VAT1L: variants seen among roughly 807,000 people sequenced by gnomAD.
VAT1L encodes vesicle amine transport 1 like, also known as putative NADPH-dependent quinone oxidoreductase VAT1L.
A neutral mutation model predicts 44.1 loss-of-function variants in VAT1L; 34 were observed. That is an observed-to-expected ratio of 0.77 (90% confidence interval 0.59 to 1.03). The LOEUF is 1.03. VAT1L is among the 50% of genes least tolerant of loss of function. VAT1L has a pLI of 0.00. For synonymous variants in VAT1L, 253 were observed against 202.2 expected (o/e 1.25, Z -2.13); for missense variants, 615 against 538.8 (o/e 1.14, Z -1.40).
intron 1 of VAT1L, among the ~76,000 whole-genome samples, chr16:77,813,303 G>GA (rs1325390968): frequency 6.6e-6 from 1 of 151,798 alleles, no homozygotes; most frequent in African/African-American, 2.4e-5. Context: ...TTTGTCTGAA[G>GA]AAAAAAAAGT....
chr16:77,810,166 A>G (rs983575185), intron 1 of VAT1L, among the ~76,000 whole-genome samples: 1 of 152,194 alleles, frequency 6.6e-6, no homozygotes, highest in Non-Finnish European at 1.5e-5. Context: ...CTATTTAACC[A>G]TTTAATTTGT....
At chr16:77,925,478 G>C (rs955902122) in intron 7 of VAT1L, among the ~76,000 whole-genome samples, 1 of 152,094 alleles carries the variant, frequency 6.6e-6, no homozygotes. Context: ...GTATTAAAGA[G>C]GTCCATATAT....
chr16:77,943,594 G>T (rs1301583652), intron 7 of VAT1L, among the ~76,000 whole-genome samples: 2 of 151,884 alleles, frequency 1.3e-5, no homozygotes, highest in African/African-American at 4.8e-5. Context: ...AGTAGAGATG[G>T]GGTTTCACCA....
At chr16:77,836,268 CT>C (rs2016637993) in intron 3 of VAT1L, among the ~76,000 whole-genome samples, 1 of 152,096 alleles carries the variant, frequency 6.6e-6, no homozygotes, top group African/African-American at 2.4e-5. Flanking sequence ...TCAGAAACAC[CT>C]GCACCTCGCT....
intron 7 of VAT1L, among the ~76,000 whole-genome samples, chr16:77,929,678 CA>C (rs1342602625): frequency 1.3e-5 from 2 of 152,082 alleles, no homozygotes; most frequent in African/African-American, 4.8e-5. Flanking sequence ...AAACAAAGGC[CA>C]CTCTCCCCCT....
intron 1 of VAT1L, chr16:77,801,583 T>G (rs2016053413): frequency 6.6e-6 from 1 of 152,148 alleles, no homozygotes. Flanking sequence ...GCCCAGATAG[T>G]CTGAGCCATA....
At chr16:77,865,393 G>C (rs971876953) in intron 4 of VAT1L, among the ~76,000 whole-genome samples, 1 of 151,992 alleles carries the variant, frequency 6.6e-6, no homozygotes, top group African/African-American at 2.4e-5. Context: ...TTTCATGTAC[G>C]CATGAATACA....
chr16:77,807,842 T>C (rs780788812), intron 1 of VAT1L, among the ~76,000 whole-genome samples: 15 of 152,094 alleles, frequency 9.9e-5, no homozygotes, highest in African/African-American at 1.4e-4. Flanking sequence ...AGCAACCCAC[T>C]TGAGGAGGAG....
chr16:77,892,903 T>C (rs1252184099), intron 7 of VAT1L: 1 of 1,102,738 alleles, frequency 9.1e-7, no homozygotes, highest in Non-Finnish European at 1.4e-6. Context: ...TTGCTGACTG[T>C]GGACAAATCT....
At chr16:77,862,928 C>T in intron 4 of VAT1L, 38 bp downstream of exon 4, 1 of 1,605,580 alleles carries the variant, frequency 6.2e-7, no homozygotes, top group Non-Finnish European at 8.5e-7. Context: ...CAGGCTGGCC[C>T]TTGCTCTGCT....
At chr16:77,848,705 C>G (rs901124788) in intron 3 of VAT1L, among the ~76,000 whole-genome samples, 1 of 152,192 alleles carries the variant, frequency 6.6e-6, no homozygotes, top group African/African-American at 2.4e-5. Flanking sequence ...CGCAGATGGT[C>G]TGCCTCTAGA....
chr16:77,923,532 A>C (rs952742493), intron 7 of VAT1L, among the ~76,000 whole-genome samples: 1 of 152,188 alleles, frequency 6.6e-6, no homozygotes, highest in Non-Finnish European at 1.5e-5. Flanking sequence ...GATGTTAACA[A>C]AATTAAGCCA....
chr16:77,957,279 G>A (rs1259859758), intron 7 of VAT1L, among the ~76,000 whole-genome samples: 1 of 152,102 alleles, frequency 6.6e-6, no homozygotes, highest in African/African-American at 2.4e-5. Context: ...GAATGACATA[G>A]CTACCAATCT....
At position 77,930,247 on chromosome 16, in the gene VAT1L, T is replaced by C. The variant is rs117649220; in HGVS notation, c.1078-41603T>C. 5.7e-3 allele frequency among the ~76,000 whole-genome samples: 870 copies of C among 152,286 alleles called. 3 individuals are homozygous for C. Among genetic ancestry groups the C allele is most frequent in the Admixed American group, 7.3e-3 (112 of 15,296 alleles). On this transcript the variant is annotated intron_variant, in intron 7 of 8. Coordinates refer to ENST00000302536, the MANE Select transcript of VAT1L (RefSeq NM_020927.3). ...CACTGAATTCGACCCCTAGCCTGTATTGTCTGTCTTTCCTGGTCATGCATG... is the reference window on the plus strand; with the variant it reads ...CACTGAATTCGACCCCTAGCCTGTACTGTCTGTCTTTCCTGGTCATGCATG...
At position 77,879,606 on chromosome 16, in the gene VAT1L, G is replaced by C. The variant is rs1461411876; in HGVS notation, c.882+382G>C. ...CAGCTGTGAGCTCTTCTATCATAAG[G>C]CATTGACTTAATCTTGTCTTTCAAT... On this transcript the variant is annotated intron_variant, in intron 6 of 8. Coordinates refer to ENST00000302536, the MANE Select transcript of VAT1L (RefSeq NM_020927.3). This position sits in a 1 kb window ranked among gnomAD's most constrained non-coding sequence, Gnocchi z 4.1. Among the ~76,000 whole-genome samples, 1 of 152,150 alleles carries C rather than the reference G, an allele frequency of 6.6e-6. No individual in the cohort carries two copies. The highest frequency in any genetic ancestry group is 1.5e-5 in the Non-Finnish European group (1 of 68,032).
chr16:77,827,925 A>T (rs1378469269), intron 3 of VAT1L, among the ~76,000 whole-genome samples: 1 of 152,308 alleles, frequency 6.6e-6, no homozygotes, highest in African/African-American at 2.4e-5. Flanking sequence ...GTAAAGCAAG[A>T]TTTAGTGAGA....
At chr16:77,902,738 G>GGGGT (rs1190283293) in intron 7 of VAT1L, among the ~76,000 whole-genome samples, 2 of 132,138 alleles carry the variant, frequency 1.5e-5, no homozygotes, top group African/African-American at 2.9e-5. Context: ...GGGGTGGGGG[G>GGGGT]GGTGTGGATC....
At chr16:77,961,496 T>A (rs1567523178) in intron 7 of VAT1L, among the ~76,000 whole-genome samples, 1 of 152,176 alleles carries the variant, frequency 6.6e-6, no homozygotes, top group African/African-American at 2.4e-5. Flanking sequence ...AAACCATTGT[T>A]CTCCAAGGTT....
At position 77,879,831 on chromosome 16, in the gene VAT1L, T is replaced by C. The variant is rs2017130678; in HGVS notation, c.882+607T>C. Among the ~76,000 whole-genome samples, 1 of 152,186 alleles carries C rather than the reference T, an allele frequency of 6.6e-6. No individual in the cohort carries two copies. The highest frequency in any genetic ancestry group is 2.4e-5 in the African/African-American group (1 of 41,454). On this transcript the variant is annotated intron_variant, in intron 6 of 8. Coordinates refer to ENST00000302536, the MANE Select transcript of VAT1L (RefSeq NM_020927.3). This position sits in a 1 kb window ranked among gnomAD's most constrained non-coding sequence, Gnocchi z 4.1. The stretch of plus-strand genomic sequence containing the variant: ...TTATTGGTCAAAAATGAACTTAGCA[T>C]TAGTGCATTTTCTTTGCTCCATAGA...
Sources: gnomAD v4.1 joint callset for allele counts (sites outside exome capture counted in the v4.1 genomes callset) on GRCh38, gnomAD v4.1.1 for gene constraint, Gnocchi (gnomAD v3.1) non-coding constraint, MANE v1.5 for transcripts, NCBI Gene and HGNC (gene_info 2026-07-23, HGNC 2026-07-21) for gene names.